Variants in IPO11 observed in about 807,000 individuals in gnomAD.
IPO11 encodes importin-11.
A neutral mutation model predicts 143.2 loss-of-function variants in IPO11; 66 were observed. The ratio of observed to expected loss-of-function variants is 0.46; its 90% CI spans 0.38 to 0.57. The LOEUF (loss-of-function observed/expected upper bound fraction) is 0.57, where lower values mean the gene tolerates loss of function less well. Among genes scored for constraint, IPO11 ranks in the 20% least tolerant of loss-of-function variants. The probability of loss-of-function intolerance (pLI) is 0.00; values close to 1 mark genes in which losing one functional copy is unlikely to be tolerated. For synonymous variants in IPO11, 385 were observed against 377.8 expected, an observed-to-expected ratio of 1.02 and a Z score of -0.22; for missense variants, 1,026 against 1,141.0, an observed-to-expected ratio of 0.90 and a Z score of 1.45.
At chr5:62,506,053 A>G (rs1305274090) in intron 18 of IPO11, among the ~76,000 whole-genome samples, 188 bp from the exon 19 acceptor site, 1 of 152,148 alleles carries the variant, frequency 6.6e-6, no homozygotes, top group Non-Finnish European at 1.5e-5. Context: ...GAAAGAAAAC[A>G]CTTTGTAAAA....
chr5:62,551,635 G>A (rs980415402), intron 26 of IPO11, among the ~76,000 whole-genome samples: 6 of 152,068 alleles, frequency 3.9e-5, no homozygotes, highest in Admixed American at 2.6e-4. Flanking sequence ...ATCTGGAAAC[G>A]GGTATTTTGC....
intron 9 of IPO11, among the ~76,000 whole-genome samples, chr5:62,476,989 A>G (rs1253676945): frequency 1.3e-5 from 2 of 152,180 alleles, no homozygotes; most frequent in Non-Finnish European, 1.5e-5. Flanking sequence ...AATAAATTCT[A>G]ATAAATATTA....
rs140806742 is a variant in IPO11, at chr5:62,597,835, G to T, written c.2679-3929G>T. On this transcript the variant is annotated intron_variant, in intron 28 of 29. Transcript: ENST00000325324. ...AAGGACTGTCCGTTTTAACAATAAA[G>T]AATTAGTTGTTTCTGATACACTAAT... Among the ~76,000 whole-genome samples, 11 of 152,242 alleles carry T rather than the reference G, an allele frequency of 7.2e-5. No homozygotes were observed. The East Asian group carries it at 1.4e-3, about 19-fold the overall frequency.
intron 12 of IPO11, among the ~76,000 whole-genome samples, chr5:62,485,812 T>G (rs1472441830): frequency 6.7e-6 from 1 of 148,568 alleles, no homozygotes; most frequent in East Asian, 2.0e-4. Flanking sequence ...ATGATGCCAC[T>G]GCGTTCTAGC....
At chr5:62,580,172 C>T in intron 27 of IPO11, 1 of 1,551,052 alleles carries the variant, frequency 6.4e-7, no homozygotes, top group Non-Finnish European at 8.7e-7. Flanking sequence ...GCAATACAGC[C>T]CTTTGCATTT....
At chr5:62,554,911 C>T (rs1743520026) in intron 26 of IPO11, among the ~76,000 whole-genome samples, 1 of 152,160 alleles carries the variant, frequency 6.6e-6, no homozygotes, top group South Asian at 2.1e-4. Context: ...GATGAGGTTT[C>T]ACCATTTTGG....
chr5:62,496,856 A>T (rs1561335222), intron 16 of IPO11, among the ~76,000 whole-genome samples: 1 of 152,242 alleles, frequency 6.6e-6, no homozygotes, highest in Non-Finnish European at 1.5e-5. Flanking sequence ...ACTCTGCATT[A>T]TATTTCCCTA....
At chr5:62,414,759 G>A (rs1402363503) in intron 1 of IPO11, among the ~76,000 whole-genome samples, 2 of 152,156 alleles carry the variant, frequency 1.3e-5, no homozygotes, top group African/African-American at 2.4e-5. Context: ...CTAGATGAAA[G>A]GAATGTTCAA....
chr5:62,580,257 T>C, intron 27 of IPO11: 1 of 1,544,904 alleles, frequency 6.5e-7, no homozygotes, highest in East Asian at 2.4e-5. Context: ...ATGGGTTTAG[T>C]GGAATTAATA....
At chr5:62,586,541 C>T (rs1302938754) in intron 27 of IPO11, among the ~76,000 whole-genome samples, 3 of 151,596 alleles carry the variant, frequency 2.0e-5, no homozygotes, top group Admixed American at 6.6e-5. Context: ...CACCTGAGGT[C>T]GGGAGTTCGA....
intron 5 of IPO11, among the ~76,000 whole-genome samples, chr5:62,453,093 A>G (rs752173275): frequency 6.6e-6 from 1 of 150,942 alleles, no homozygotes; most frequent in Non-Finnish European, 1.5e-5. Flanking sequence ...GTCTGTTCTG[A>G]ATCATGCTGC....
intron 1 of IPO11, among the ~76,000 whole-genome samples, chr5:62,425,548 C>A (rs1342459815): frequency 6.6e-6 from 1 of 152,046 alleles, no homozygotes; most frequent in African/African-American, 2.4e-5. Context: ...AAACTCCTGA[C>A]CTCAGGTGAT....
intron 20 of IPO11, among the ~76,000 whole-genome samples, chr5:62,516,694 C>G (rs2112288174): frequency 6.6e-6 from 1 of 152,156 alleles, no homozygotes; most frequent in African/African-American, 2.4e-5. Flanking sequence ...CATTTCCCTG[C>G]TTTCTTTTTT....
intron 28 of IPO11, among the ~76,000 whole-genome samples, chr5:62,595,561 C>A (rs561395369): frequency 6.6e-6 from 1 of 152,138 alleles, no homozygotes; most frequent in East Asian, 1.9e-4. Flanking sequence ...TTCTAATGAT[C>A]CCTCTTTTTT....
chr5:62,534,980 G>T (rs1580295635), intron 22 of IPO11, among the ~76,000 whole-genome samples: 1 of 151,242 alleles, frequency 6.6e-6, no homozygotes, highest in South Asian at 2.1e-4. Flanking sequence ...CCTTAAAACA[G>T]ATAAATTTGT....
chr5:62,454,408 A>G (rs1745050866), intron 5 of IPO11, among the ~76,000 whole-genome samples: 1 of 152,096 alleles, frequency 6.6e-6, no homozygotes, highest in South Asian at 2.1e-4. Flanking sequence ...TGTCTAGAAG[A>G]TTCTTGGTTA....
chr5:62,610,577 CA>C (rs1745891711), intron 29 of IPO11, among the ~76,000 whole-genome samples: 1 of 152,172 alleles, frequency 6.6e-6, no homozygotes. Context: ...CAAATCCTCA[CA>C]CTCCATTCTT....
chr5:62,565,063 C>A (rs1182637227), intron 27 of IPO11, among the ~76,000 whole-genome samples: 1 of 152,220 alleles, frequency 6.6e-6, no homozygotes, highest in East Asian at 1.9e-4. Flanking sequence ...GTCCTTATTT[C>A]ATCCCCTTCT....
chr5:62,578,008 C>T (rs1453169216), intron 27 of IPO11, among the ~76,000 whole-genome samples: 1 of 151,992 alleles, frequency 6.6e-6, no homozygotes, highest in Non-Finnish European at 1.5e-5. Context: ...TCTTTAAATT[C>T]TTGAAAAATG....
Sources: gnomAD v4.1 joint callset for allele counts (sites outside exome capture counted in the v4.1 genomes callset) on GRCh38, gnomAD v4.1.1 for gene constraint, MANE v1.5 for transcripts, NCBI Gene and HGNC (gene_info 2026-07-23, HGNC 2026-07-21) for gene names.